Variants in ZNF516 observed in about 807,000 individuals in gnomAD.
The protein encoded by ZNF516 is zinc finger protein 516.
Under a neutral mutation model 79.7 loss-of-function variants are expected in ZNF516, and 19 were observed. The observed-to-expected ratio is 0.24, with a 90% CI of 0.17 to 0.35. ZNF516 has a LOEUF of 0.35. Ranked by LOEUF, ZNF516 falls within the 10% of genes least tolerant of loss-of-function variation. The probability of loss-of-function intolerance (pLI) is 1.00; values close to 1 mark genes in which losing one functional copy is unlikely to be tolerated. For synonymous variants in ZNF516, 877 were observed against 739.5 expected (o/e 1.19, Z -3.02); for missense variants, 1,678 against 1,679.5 (o/e 1.00, Z 0.02).
chr18:76,378,797 C>T (rs895116880), intron 4 of ZNF516, 58 bp downstream of exon 4: 2 of 1,562,954 alleles, frequency 1.3e-6, no homozygotes, highest in Non-Finnish European at 8.7e-7. Flanking sequence ...CCTGGCCCTC[C>T]GGGGGTGGTT....
intron 3 of ZNF516, among the ~76,000 whole-genome samples, chr18:76,439,709 T>G (rs1177732268): frequency 6.6e-6 from 1 of 151,944 alleles, no homozygotes; most frequent in Non-Finnish European, 1.5e-5. Flanking sequence ...ATGGGGTGAG[T>G]GAGGCCCAAG....
At chr18:76,485,406 AC>A (rs1914770859) in intron 1 of ZNF516, among the ~76,000 whole-genome samples, 1 of 152,358 alleles carries the variant, frequency 6.6e-6, no homozygotes, top group East Asian at 1.9e-4. Context: ...ACGTGCACTC[AC>A]ACGCTCTTCG....
rs1213742643 is a variant in ZNF516, at chr18:76,377,715, A to ATTTTTTTT, written c.3259+1132_3259+1139dup. On this transcript the variant is annotated intron_variant, in intron 4 of 6. Transcript: ENST00000443185. ...TAAGAAACCACAGGCTTACAACGTT[A>ATTTTTTTT]TTTTTTTTTTTTTTTTTTGAGATGG... 2.8e-3 allele frequency among the ~76,000 whole-genome samples: 376 copies of ATTTTTTTT among 133,580 alleles called. 10 individuals are homozygous for ATTTTTTTT. Among genetic ancestry groups the ATTTTTTTT allele is most frequent in the South Asian group, 5.1e-3 (21 of 4,112 alleles). The allele number at this position is 133,580 out of a possible 152,430, so 87.6% of individuals were successfully genotyped here. A position where few individuals can be genotyped will look rare whatever the true frequency, so the allele number is the denominator to read the frequency against.
chr18:76,458,779 G>A (rs1043125681), intron 2 of ZNF516, among the ~76,000 whole-genome samples: 5 of 147,828 alleles, frequency 3.4e-5, no homozygotes, highest in East Asian at 2.0e-4. Flanking sequence ...CCTCGTGTGC[G>A]TGCCTCACCG....
rs539661656 is a variant in ZNF516, at chr18:76,379,975, C to T, written c.2139G>A (p.Leu713=). The T allele has an allele frequency of 6.2e-7, 1 of 1,613,990 alleles. No homozygotes were observed. The highest frequency in any genetic ancestry group is 1.1e-5 in the South Asian group (1 of 91,090). The change falls in exon 4 of 7, where the codon TTG becomes TTA. Residue 713 remains leucine (L), a synonymous_variant. Coordinates refer to ENST00000443185, the MANE Select transcript of ZNF516 (RefSeq NM_014643.4). ...TGHPAEKLSD[L]HNKEHSGGGK... ...CTCCCCCAGAGTGTTCCTTGTTGTG[C>T]AAATCGGACAGCTTTTCTGCAGGGT...
chr18:76,402,433 G>A (rs1381514116), intron 3 of ZNF516, among the ~76,000 whole-genome samples: 8 of 151,778 alleles, frequency 5.3e-5, no homozygotes, highest in South Asian at 2.1e-4. Context: ...AGCTACAGGC[G>A]TCCCACAGCT....
chr18:76,419,437 TACA>T (rs2075478415), intron 3 of ZNF516, among the ~76,000 whole-genome samples: 2 of 152,260 alleles, frequency 1.3e-5, no homozygotes, highest in Admixed American at 1.3e-4. Context: ...CTGCATTTTC[TACA>T]ACGATTAAAT....
chr18:76,476,706 G>A (rs1431841547), intron 1 of ZNF516, among the ~76,000 whole-genome samples: 1 of 152,220 alleles, frequency 6.6e-6, no homozygotes, highest in Non-Finnish European at 1.5e-5. Context: ...ACCAGTCATG[G>A]TTTGTCTAAG....
chr18:76,446,470 G>T (rs569397502), intron 2 of ZNF516, among the ~76,000 whole-genome samples: 1 of 152,240 alleles, frequency 6.6e-6, no homozygotes, highest in Non-Finnish European at 1.5e-5. Flanking sequence ...CTGAGCGGAA[G>T]ATGGCACAGT....
chr18:76,406,419 C>G (rs2075305449), intron 3 of ZNF516, among the ~76,000 whole-genome samples: 1 of 152,126 alleles, frequency 6.6e-6, no homozygotes, highest in South Asian at 2.1e-4. Flanking sequence ...CAAAAATTAG[C>G]CGAGCATGGT....
intron 3 of ZNF516, chr18:76,386,469 G>A (rs981838001): frequency 6.6e-6 from 1 of 152,224 alleles, no homozygotes; most frequent in African/African-American, 2.4e-5. Flanking sequence ...GAGGAGGGAG[G>A]AAATGGCACT....
At chr18:76,363,030 AC>A (rs2074561910) in intron 6 of ZNF516, among the ~76,000 whole-genome samples, 1 of 152,226 alleles carries the variant, frequency 6.6e-6, no homozygotes, top group Non-Finnish European at 1.5e-5. Context: ...CACGGCTCTC[AC>A]GTAGGTCTGT....
At chr18:76,436,134 G>A (rs2075730786) in intron 3 of ZNF516, among the ~76,000 whole-genome samples, 1 of 152,250 alleles carries the variant, frequency 6.6e-6, no homozygotes, top group South Asian at 2.1e-4. Flanking sequence ...GAATGAACCT[G>A]TCTGGATACT....
At position 76,442,432 on chromosome 18, in the gene ZNF516, G is replaced by T. The variant is rs747559115; in HGVS notation, c.623C>A (p.Ala208Glu). 1.9e-6 allele frequency: 3 copies of T among 1,606,690 alleles called. No homozygotes were observed. The highest frequency in any genetic ancestry group is 1.1e-5 in the South Asian group (1 of 91,076). Residue 208 changes from alanine (A) to glutamate (E), a missense_variant, in exon 3 of 7, where the codon GCG (alanine) becomes GAG (glutamate). By Grantham distance (107) the Ala-to-Glu change is moderately radical. Around this residue, in one of 5 missense-constraint regions of ZNF516, gnomAD observed 279 missense variants for 254.1 expected, o/e 1.10. Coordinates refer to ENST00000443185, the MANE Select transcript of ZNF516 (RefSeq NM_014643.4). ...KPFKCRLCSY[A>E]TLREESLLSH... is the part of the protein sequence containing the mutation. Reference sequence around the variant, plus strand: ...CAGCAGCGACTCCTCCCGCAGCGTCGCGTAGCTGCACAGCCTGCACTTGAA... The same window carrying T: ...CAGCAGCGACTCCTCCCGCAGCGTCTCGTAGCTGCACAGCCTGCACTTGAA...
chr18:76,430,954 A>C (rs972822741), intron 3 of ZNF516, among the ~76,000 whole-genome samples: 6 of 152,228 alleles, frequency 3.9e-5, no homozygotes, highest in African/African-American at 1.4e-4. Context: ...ATGCATACAG[A>C]ATCAGGTAAA....
At chr18:76,483,274 C>A (rs1224378082) in intron 1 of ZNF516, among the ~76,000 whole-genome samples, 2 of 152,116 alleles carry the variant, frequency 1.3e-5, no homozygotes, top group Non-Finnish European at 2.9e-5. Context: ...GCCAGCCAAC[C>A]TGACCATTGG....
Position 76,442,815 on chromosome 18 carries a change from G to A in ZNF516, c.240C>T (p.His80=). The change falls in exon 3 of 7, where the codon CAC becomes CAT. Residue 80 remains histidine, a synonymous_variant. Transcript: ENST00000443185. ...RASQKGNLKI[H]IRSHRTGTLI... is the part of the protein sequence containing the mutation. ...GAGTCCCCGTGCGGTGGCTCCGGAT[G>A]TGAATCTTCAGGTTGCCCTTCTGGG... 1 of 1,612,176 alleles carries A rather than the reference G, an allele frequency of 6.2e-7. No homozygotes were observed. Among genetic ancestry groups the A allele is most frequent in the Non-Finnish European group, 8.5e-7 (1 of 1,179,118 alleles).
At chr18:76,481,126 G>A (rs1914500271) in intron 1 of ZNF516, among the ~76,000 whole-genome samples, 1 of 152,200 alleles carries the variant, frequency 6.6e-6, no homozygotes, top group African/African-American at 2.4e-5. Flanking sequence ...AGCTGACCTA[G>A]GATCCAAGGC....
At chr18:76,381,394 C>T (rs1599152632) in intron 3 of ZNF516, among the ~76,000 whole-genome samples, 2 of 152,168 alleles carry the variant, frequency 1.3e-5, no homozygotes, top group East Asian at 1.9e-4. Context: ...ACCACCCAGC[C>T]GCCATCTGCA....
Sources: gnomAD v4.1 joint callset for allele counts (sites outside exome capture counted in the v4.1 genomes callset) on GRCh38, gnomAD v4.1.1 for gene constraint, gnomAD v4.1.1 regional missense constraint, MANE v1.5 for transcripts, NCBI Gene and HGNC (gene_info 2026-07-23, HGNC 2026-07-21) for gene names.